Variants in KLHL4 observed in about 807,000 individuals in gnomAD.
The protein encoded by KLHL4 is kelch like family member 4, also known as kelch-like protein 4.
In KLHL4, 17 loss-of-function variants were observed where a neutral mutation model predicts 45.8. The observed-to-expected ratio is 0.37, with a 90% CI of 0.25 to 0.56. KLHL4 has a LOEUF of 0.56. KLHL4 is among the 20% of genes least tolerant of loss of function. The pLI is 0.79. For missense variants in KLHL4, 544 were observed against 544.9 expected (o/e 1.00, Z 0.02); for synonymous variants, 224 against 189.9 (o/e 1.18, Z -1.47).
In KLHL4 at chrX:87,613,385, T is replaced by G. The variant is rs751774264; in HGVS notation, c.423-492T>G. Among the ~76,000 whole-genome samples, 61 of 111,842 alleles carry G rather than the reference T, an allele frequency of 5.5e-4. 1 individual carries two copies. The highest frequency in any genetic ancestry group is 4.6e-3 in the Middle Eastern group (1 of 219). ...ATTATGTCCAGTTTCTTAATGGGAT[T>G]GATAGTGTAAAGAATGCTATGAAAC... On this transcript the variant is annotated intron_variant, in intron 1 of 10. Coordinates refer to ENST00000373119, the MANE Select transcript of KLHL4 (RefSeq NM_019117.5).
rs1332682059 is a variant in KLHL4 at position 87,554,590 on chromosome X, G to A, written c.422+36275G>A. Among the ~76,000 whole-genome samples, 58 of 105,016 alleles carry A rather than the reference G, an allele frequency of 5.5e-4. 1 individual carries two copies. The highest frequency in any genetic ancestry group is 3.0e-3 in the Admixed American group (27 of 9,031). The allele number at this position is 105,016 out of a possible 115,157, so 91.2% of individuals were successfully genotyped here. A position where few individuals can be genotyped will look rare whatever the true frequency, so the allele number is the denominator to read the frequency against. ...TTTTGTATCCTGAGACTTTGCTGAA[G>A]TTGCTTATCAGCTTAAAGAGATTTT... On this transcript the variant is annotated intron_variant, in intron 1 of 10. Transcript: ENST00000373119.
intron 1 of KLHL4, among the ~76,000 whole-genome samples, chrX:87,576,437 C>T (rs1236611084): frequency 9.0e-6 from 1 of 111,258 alleles, no homozygotes; most frequent in Non-Finnish European, 1.9e-5. Context: ...TGAAGTAATG[C>T]ATATCCTAGT....
At chrX:87,607,498 A>G (rs1237913004) in intron 1 of KLHL4, among the ~76,000 whole-genome samples, 1 of 111,658 alleles carries the variant, frequency 9.0e-6, no homozygotes, top group Non-Finnish European at 1.9e-5. Flanking sequence ...TCAGAATCAC[A>G]TACCTGCATA....
At chrX:87,595,967 A>G (rs1193077650) in intron 1 of KLHL4, among the ~76,000 whole-genome samples, 2 of 111,302 alleles carry the variant, frequency 1.8e-5, no homozygotes, top group Admixed American at 1.9e-4. Context: ...ATGGAGGCAG[A>G]TTTCTCATGA....
chrX:87,569,399 A>T (rs1932287218), intron 1 of KLHL4, among the ~76,000 whole-genome samples: 1 of 111,567 alleles, frequency 9.0e-6, no homozygotes, highest in South Asian at 3.7e-4. Context: ...CCACTGTAGA[A>T]AACTGTTTAG....
intron 1 of KLHL4, among the ~76,000 whole-genome samples, chrX:87,526,151 G>A (rs1282089997): frequency 8.9e-6 from 1 of 111,919 alleles, no homozygotes; most frequent in African/African-American, 3.2e-5. Flanking sequence ...GGTTAATGTT[G>A]ATTACAGTAC....
chrX:87,652,650 A>AT (rs1410011150), intron 9 of KLHL4, among the ~76,000 whole-genome samples: 1 of 111,778 alleles, frequency 8.9e-6, no homozygotes, highest in Non-Finnish European at 1.9e-5. Flanking sequence ...TATTGTCCAC[A>AT]TTTCTATCAG....
At chrX:87,545,694 T>A (rs2147775556) in intron 1 of KLHL4, among the ~76,000 whole-genome samples, 1 of 112,098 alleles carries the variant, frequency 8.9e-6, no homozygotes, top group African/African-American at 3.2e-5. Context: ...TGGAACTGGA[T>A]AACAGGCAGA....
intron 1 of KLHL4, among the ~76,000 whole-genome samples, chrX:87,529,185 C>T (rs1348450247): frequency 9.0e-6 from 1 of 111,121 alleles, no homozygotes; most frequent in Non-Finnish European, 1.9e-5. Context: ...ATTAGACTGG[C>T]CTTATAAGAA....
At chrX:87,617,528 G>C (rs887381367) in intron 3 of KLHL4, among the ~76,000 whole-genome samples, 3 of 111,640 alleles carry the variant, frequency 2.7e-5, no homozygotes, top group Non-Finnish European at 5.7e-5. Context: ...CATAATGAAA[G>C]TTTTTTCAAC....
chrX:87,635,728 T>C lies in KLHL4; in HGVS notation c.1878T>C (p.Asp626=). Residue 626 remains aspartate, a synonymous_variant, in exon 9 of 11, where the codon GAT becomes GAC. Transcript: ENST00000373119. The part of the protein sequence containing the change: ...NGFLYVVGGH[D]APASNHCSRL... ...TCTTATATGTTGTAGGGGGGCATGA[T>C]GCCCCTGCTTCCAACCATTGCTCCA... The C allele has an allele frequency of 8.3e-7, 1 of 1,205,194 alleles. No individual in the cohort carries two copies. Among genetic ancestry groups the C allele is most frequent in the Non-Finnish European group, 1.1e-6 (1 of 890,811 alleles).
intron 10 of KLHL4, 62 bp from the exon 11 acceptor site, chrX:87,666,412 AT>A: frequency 9.5e-7 from 1 of 1,051,898 alleles, no homozygotes; most frequent in Non-Finnish European, 1.3e-6. Flanking sequence ...ATTGAATATA[AT>A]ATTTTATATT....
At chrX:87,609,559 T>C (rs1187122918) in intron 1 of KLHL4, among the ~76,000 whole-genome samples, 1 of 112,353 alleles carries the variant, frequency 8.9e-6, no homozygotes, top group East Asian at 2.8e-4. Flanking sequence ...AAATGTCTTC[T>C]TTTGAGAAGT....
chrX:87,585,364 T>G lies in KLHL4; in HGVS notation c.423-28513T>G, dbSNP rs533401307. Reference sequence around the variant, plus strand: ...GAATATTATAACACTAACTATGGTGTGTAAACTACTCTTAATTAGAAAGAC... The same window carrying G: ...GAATATTATAACACTAACTATGGTGGGTAAACTACTCTTAATTAGAAAGAC... On this transcript the variant is annotated intron_variant, in intron 1 of 10. Transcript: ENST00000373119. Among the ~76,000 whole-genome samples, 21 of 111,890 alleles carry G rather than the reference T, an allele frequency of 1.9e-4. 1 individual carries two copies. In the South Asian group the frequency reaches 7.8e-3, roughly 41 times the overall value.
At chrX:87,541,904 T>A (rs1931567832) in intron 1 of KLHL4, among the ~76,000 whole-genome samples, 1 of 111,633 alleles carries the variant, frequency 9.0e-6, no homozygotes, top group African/African-American at 3.3e-5. Flanking sequence ...ATGCTGATAG[T>A]AATGTGAGCA....
At chrX:87,619,270 G>T (rs1178975314) in intron 4 of KLHL4, among the ~76,000 whole-genome samples, 1 of 111,496 alleles carries the variant, frequency 9.0e-6, no homozygotes. Context: ...TGCATATAAA[G>T]AGTATTTTTC....
chrX:87,613,752 C>T (rs778671790), intron 1 of KLHL4, 125 bp from the exon 2 acceptor site: 1 of 407,702 alleles, frequency 2.5e-6, no homozygotes, highest in East Asian at 4.3e-5. Context: ...TTTAATCCAA[C>T]ATATTTCCTT....
At chrX:87,534,805 A>G (rs1471970670) in intron 1 of KLHL4, among the ~76,000 whole-genome samples, 1 of 111,997 alleles carries the variant, frequency 8.9e-6, no homozygotes, top group African/African-American at 3.2e-5. Flanking sequence ...TTAAGATGCA[A>G]ACATAGAAAG....
chrX:87,643,581 C>G (rs1301750919), intron 9 of KLHL4, among the ~76,000 whole-genome samples: 2 of 111,321 alleles, frequency 1.8e-5, no homozygotes, highest in Non-Finnish European at 3.8e-5. Flanking sequence ...AATACCAAAA[C>G]CAGGAAAAGA....
Sources: gnomAD v4.1 joint callset for allele counts (sites outside exome capture counted in the v4.1 genomes callset) on GRCh38, gnomAD v4.1.1 for gene constraint, MANE v1.5 for transcripts, NCBI Gene and HGNC (gene_info 2026-07-23, HGNC 2026-07-21) for gene names.